CARNMT1: variants seen among roughly 807,000 people sequenced by gnomAD.
CARNMT1 encodes the protein protein-L-histidine N-pros-methyltransferase CARNMT1.
Under a neutral mutation model 49.6 loss-of-function variants are expected in CARNMT1, and 28 were observed. The observed-to-expected ratio is 0.56, with a 90% CI of 0.42 to 0.77. The LOEUF (loss-of-function observed/expected upper bound fraction) is 0.77. CARNMT1 is among the 30% of genes least tolerant of loss of function. The pLI, the probability that CARNMT1 is intolerant of heterozygous loss-of-function variation, is 0.00. For missense variants in CARNMT1, 421 were observed against 512.6 expected (o/e 0.82, Z 1.73); for synonymous variants, 178 against 175.0 (o/e 1.02, Z -0.13).
At chr9:74,990,487 T>C (rs1296380227) in intron 6 of CARNMT1, among the ~76,000 whole-genome samples, 1 of 152,206 alleles carries the variant, frequency 6.6e-6, no homozygotes, top group Non-Finnish European at 1.5e-5. Context: ...TGTGTATGTA[T>C]GTGTGTGTGT....
At chr9:75,008,946 A>C (rs1169766207) in intron 3 of CARNMT1, among the ~76,000 whole-genome samples, 1 of 152,208 alleles carries the variant, frequency 6.6e-6, no homozygotes, top group African/African-American at 2.4e-5. Context: ...GTTATGGCAT[A>C]AGGACAAACA....
At chr9:75,027,165 T>C (rs1822555463) in intron 1 of CARNMT1, 3 of 1,278,930 alleles carry the variant, frequency 2.3e-6, no homozygotes, top group Non-Finnish European at 3.1e-6. Context: ...AAAATCCAGT[T>C]GATTTAAGTC....
intron 1 of CARNMT1, chr9:75,026,940 G>C (rs1822545451): frequency 6.6e-6 from 3 of 454,258 alleles, no homozygotes; most frequent in Non-Finnish European, 1.2e-5. Flanking sequence ...TGCCCTTGAG[G>C]AGGTCACAGC....
chr9:75,019,560 C>A (rs1388217315), intron 1 of CARNMT1, among the ~76,000 whole-genome samples: 1 of 152,148 alleles, frequency 6.6e-6, no homozygotes, highest in Non-Finnish European at 1.5e-5. Context: ...CTGAGGGCTG[C>A]TACCTAGGAG....
chr9:75,025,670 A>T (rs1425451456), intron 1 of CARNMT1, among the ~76,000 whole-genome samples: 2 of 152,100 alleles, frequency 1.3e-5, no homozygotes, highest in Non-Finnish European at 2.9e-5. Flanking sequence ...GCAAATGTCA[A>T]AACAATTTTC....
Position 74,980,946 on chromosome 9 carries a change from G to C in CARNMT1, c.*2821C>G, listed in dbSNP as rs1832676981. 1 of 152,066 alleles carries C rather than the reference G, an allele frequency of 6.6e-6. No homozygotes were observed. The highest frequency in any genetic ancestry group is 6.5e-5 in the Admixed American group (1 of 15,268). The allele number at this position is 152,066 out of a possible 1,614,324, so 9.4% of individuals were successfully genotyped here. On this transcript the variant is annotated 3_prime_UTR_variant, in exon 8 of 8. Transcript: ENST00000376834. ...AATAGGCTAATCCAAGAGTTCAAAA[G>C]TATATATGCTCAACTCATTAAAATC... is the stretch of plus-strand genomic sequence containing the variant.
At chr9:75,012,840 C>T (rs1833739443) in intron 3 of CARNMT1, among the ~76,000 whole-genome samples, 1 of 151,398 alleles carries the variant, frequency 6.6e-6, no homozygotes, top group South Asian at 2.1e-4. Context: ...ATGGCGTGAA[C>T]CCGGGAGGCG....
chr9:75,025,395 G>A (rs1196528610), intron 1 of CARNMT1, among the ~76,000 whole-genome samples: 1 of 152,148 alleles, frequency 6.6e-6, no homozygotes, highest in East Asian at 1.9e-4. Context: ...CAGTAGTACA[G>A]TATCTACTAC....
intron 3 of CARNMT1, among the ~76,000 whole-genome samples, chr9:75,003,473 C>T (rs1587274321): frequency 6.6e-6 from 1 of 152,244 alleles, no homozygotes; most frequent in Non-Finnish European, 1.5e-5. Flanking sequence ...ATTCCTGCAA[C>T]AAGGCGCTAA....
At chr9:74,988,805 T>C (rs761289636) in intron 6 of CARNMT1, among the ~76,000 whole-genome samples, 1 of 152,304 alleles carries the variant, frequency 6.6e-6, no homozygotes, top group Non-Finnish European at 1.5e-5. Context: ...CATACAAAAA[T>C]AGGCTACAGG....
At chr9:75,014,913 T>C (rs902666487) in intron 3 of CARNMT1, among the ~76,000 whole-genome samples, 7 of 152,164 alleles carry the variant, frequency 4.6e-5, no homozygotes, top group Admixed American at 1.3e-4. Flanking sequence ...GAGACACATA[T>C]GTATTGAAAT....
intron 6 of CARNMT1, among the ~76,000 whole-genome samples, chr9:74,987,598 A>C (rs1411588962): frequency 6.6e-6 from 1 of 152,196 alleles, no homozygotes; most frequent in East Asian, 1.9e-4. Context: ...CAGAATCCAA[A>C]GTAGTGACAG....
chr9:75,019,565 T>C (rs988862614), intron 1 of CARNMT1, among the ~76,000 whole-genome samples: 2 of 152,298 alleles, frequency 1.3e-5, no homozygotes, highest in Non-Finnish European at 2.9e-5. Context: ...GGCTGCTACC[T>C]AGGAGGCTTC....
chr9:75,019,561 T>A (rs1388114033), intron 1 of CARNMT1, among the ~76,000 whole-genome samples: 1 of 152,200 alleles, frequency 6.6e-6, no homozygotes, highest in Admixed American at 6.5e-5. Context: ...TGAGGGCTGC[T>A]ACCTAGGAGG....
At chr9:75,003,773 T>C (rs1022854198) in intron 3 of CARNMT1, among the ~76,000 whole-genome samples, 1 of 152,260 alleles carries the variant, frequency 6.6e-6, no homozygotes, top group Non-Finnish European at 1.5e-5. Flanking sequence ...ACTACACTAA[T>C]GTAGTGGCAT....
At position 75,027,332 on chromosome 9, in the gene CARNMT1, A is replaced by T. The variant is rs1333436032; in HGVS notation, c.230+680T>A. On this transcript the variant is annotated intron_variant, in intron 1 of 7. Coordinates refer to ENST00000376834, the MANE Select transcript of CARNMT1 (RefSeq NM_152420.3). The stretch of plus-strand genomic sequence containing the variant: ...GGGAGAATTAGATACAGATTTGCAG[A>T]AAAAAAGAACGTAAAGGCAGCTCTT... 4 of 836,106 alleles carry T rather than the reference A, an allele frequency of 4.8e-6. No individual in the cohort carries two copies. The South Asian group carries it at 2.2e-4, about 46-fold the overall frequency. 51.8% of individuals were successfully genotyped at this position (836,106 alleles called of 1,614,324 possible).
chr9:74,995,834 C>T (rs1833171954), intron 6 of CARNMT1, among the ~76,000 whole-genome samples: 1 of 152,064 alleles, frequency 6.6e-6, no homozygotes, highest in African/African-American at 2.4e-5. Context: ...ATTATACCCC[C>T]TTTATTTTAA....
chr9:74,984,767 G>A (rs10869465), intron 7 of CARNMT1, 140 bp downstream of exon 7: 207,020 of 603,352 alleles, frequency 0.34, 38,079 homozygotes, highest in Non-Finnish European at 0.38. Context: ...ATTTTGAATA[G>A]GGGATACTCA....
intron 3 of CARNMT1, among the ~76,000 whole-genome samples, chr9:75,007,745 TA>T (rs1284886583): frequency 1.1e-4 from 13 of 119,074 alleles, no homozygotes; most frequent in African/African-American, 2.9e-4. Context: ...ATAAAAATAA[TA>T]AAAAAAAAAA....
Sources: gnomAD v4.1 joint callset for allele counts (sites outside exome capture counted in the v4.1 genomes callset) on GRCh38, gnomAD v4.1.1 for gene constraint, MANE v1.5 for transcripts, NCBI Gene and HGNC (gene_info 2026-07-23, HGNC 2026-07-21) for gene names.